The following XPR1 variants were observed in gnomAD, a reference collection of about 807,000 sequenced individuals.
XPR1 encodes the protein xenotropic and polytropic retrovirus receptor 1.
A neutral mutation model predicts 87.5 loss-of-function variants in XPR1; 28 were observed. The ratio of observed to expected loss-of-function variants is 0.32; its 90% confidence interval spans 0.24 to 0.44. The LOEUF is 0.44. XPR1 is among the 20% of genes least tolerant of loss of function. The probability of loss-of-function intolerance (pLI) is 1.00; values close to 1 mark genes in which losing one functional copy is unlikely to be tolerated. For missense variants in XPR1, 559 were observed against 862.3 expected (o/e 0.65, Z 4.41); for synonymous variants, 300 against 306.1 (o/e 0.98, Z 0.21).
intron 2 of XPR1, among the ~76,000 whole-genome samples, chr1:180,713,622 T>A (rs936569480): frequency 2.0e-5 from 3 of 152,224 alleles, no homozygotes; most frequent in African/African-American, 7.2e-5. Flanking sequence ...TTTTTTCATA[T>A]TTATTGAGAT....
intron 2 of XPR1, among the ~76,000 whole-genome samples, chr1:180,714,652 G>C (rs1395043935): frequency 6.6e-6 from 1 of 152,082 alleles, no homozygotes; most frequent in East Asian, 1.9e-4. Context: ...GGGTCCTCCT[G>C]CCTTGGCCGT....
At chr1:180,831,277 C>G (rs1362352699) in intron 9 of XPR1, among the ~76,000 whole-genome samples, 2 of 152,026 alleles carry the variant, frequency 1.3e-5, no homozygotes, top group East Asian at 3.8e-4. Context: ...AACTTTAGAG[C>G]CTCTCAGTGC....
At chr1:180,673,277 T>G (rs142864064) in intron 1 of XPR1, among the ~76,000 whole-genome samples, 1 of 152,266 alleles carries the variant, frequency 6.6e-6, no homozygotes, top group East Asian at 1.9e-4. Flanking sequence ...GTATACCCTA[T>G]TTTTACAAAA....
chr1:180,677,903 A>G (rs1409105380), intron 1 of XPR1, among the ~76,000 whole-genome samples: 1 of 152,176 alleles, frequency 6.6e-6, no homozygotes, highest in East Asian at 1.9e-4. Context: ...GATCTTTTGT[A>G]CTGTAATAAT....
chr1:180,834,816 G>A, intron 9 of XPR1, 58 bp from the exon 10 acceptor site: 4 of 1,527,932 alleles, frequency 2.6e-6, no homozygotes, highest in Non-Finnish European at 3.5e-6. Context: ...ACATGAAATG[G>A]AGACATTTAA....
At chr1:180,644,428 G>A (rs1403402227) in intron 1 of XPR1, among the ~76,000 whole-genome samples, 4 of 143,944 alleles carry the variant, frequency 2.8e-5, no homozygotes, top group African/African-American at 1.0e-4. Context: ...TTAAGATAAC[G>A]TTAATACTAC....
intron 12 of XPR1, among the ~76,000 whole-genome samples, chr1:180,866,077 T>G (rs2102211020): frequency 6.6e-6 from 1 of 152,232 alleles, no homozygotes; most frequent in Middle Eastern, 3.4e-3. Flanking sequence ...CTGGATATGG[T>G]GGCACACGCC....
intron 6 of XPR1, 69 bp downstream of exon 6, chr1:180,806,626 C>A (rs1650002425): frequency 1.4e-6 from 2 of 1,386,636 alleles, no homozygotes; most frequent in Non-Finnish European, 9.8e-7. Flanking sequence ...TTTAGCTGGC[C>A]CCATTATCTT....
chr1:180,749,327 A>G (rs932783819), intron 2 of XPR1, among the ~76,000 whole-genome samples: 4 of 152,222 alleles, frequency 2.6e-5, no homozygotes, highest in East Asian at 1.9e-4. Flanking sequence ...GTTCTAAACT[A>G]TTGTCTAATT....
chr1:180,887,867 A>G lies in XPR1; in HGVS notation c.*3801A>G, dbSNP rs1020527959. 4 of 152,274 alleles carry G rather than the reference A, an allele frequency of 2.6e-5. No individual in the cohort carries two copies. The highest frequency in any genetic ancestry group is 2.9e-5 in the Non-Finnish European group (2 of 68,056). 9.4% of individuals were successfully genotyped at this position (152,274 alleles called of 1,614,324 possible). ...TGACCAAAGTACATTCACAGTAACT[A>G]GAGAAAGCAGATCATCCATTTCTGG... On this transcript the variant is annotated 3_prime_UTR_variant, in exon 15 of 15. Transcript: ENST00000367590.
At chr1:180,816,588 C>T (rs1402191578) in intron 7 of XPR1, among the ~76,000 whole-genome samples, 1 of 152,164 alleles carries the variant, frequency 6.6e-6, no homozygotes, top group East Asian at 1.9e-4. Flanking sequence ...ATGTCTTGGT[C>T]AGCAGCAGAC....
At chr1:180,809,383 T>A (rs533573976) in intron 6 of XPR1, among the ~76,000 whole-genome samples, 1 of 152,204 alleles carries the variant, frequency 6.6e-6, no homozygotes, top group African/African-American at 2.4e-5. Flanking sequence ...TCAAAACTTA[T>A]CAAATCGTAC....
rs1482701970 is a variant in XPR1 at position 180,863,798 on chromosome 1, A to G, written c.1592A>G (p.Lys531Arg). 8.7e-6 allele frequency: 14 copies of G among 1,612,284 alleles called. No homozygotes were observed. Among genetic ancestry groups the G allele is most frequent in the Non-Finnish European group, 1.1e-5 (13 of 1,179,264 alleles). ...TGCTATACCCTCATCTGGGATCTCA[A>G]GATGGACTGGGGTCTCTTCGATAAG... is the stretch of plus-strand genomic sequence containing the variant. ...SSCYTLIWDL[K>R]MDWGLFDKNA... The change falls in exon 12 of 15, where the codon AAG becomes AGG. Residue 531 changes from lysine to arginine, a missense_variant. Transcript: ENST00000367590.
At chr1:180,861,769 C>T (rs1652228375) in intron 11 of XPR1, among the ~76,000 whole-genome samples, 1 of 152,032 alleles carries the variant, frequency 6.6e-6, no homozygotes. Context: ...AAGAAACCAG[C>T]TCTTGGGTGG....
intron 1 of XPR1, among the ~76,000 whole-genome samples, chr1:180,659,455 C>T (rs1445565428): frequency 7.0e-5 from 7 of 100,718 alleles, no homozygotes; most frequent in Admixed American, 4.5e-4. Context: ...TCCTTCTTCC[C>T]TCCCTTCCTC....
intron 7 of XPR1, among the ~76,000 whole-genome samples, chr1:180,812,037 A>C (rs1426159054): frequency 6.6e-6 from 1 of 152,220 alleles, no homozygotes; most frequent in Non-Finnish European, 1.5e-5. Context: ...TATAACAGCA[A>C]AGGAAGCATA....
At chr1:180,682,497 T>C (rs980990669) in intron 2 of XPR1, 86 bp downstream of exon 2, 3 of 943,240 alleles carry the variant, frequency 3.2e-6, no homozygotes, top group East Asian at 2.9e-5. Context: ...AAAACTAATA[T>C]GATAACCTGT....
At chr1:180,826,512 C>T (rs1037513266) in intron 9 of XPR1, among the ~76,000 whole-genome samples, 1 of 151,838 alleles carries the variant, frequency 6.6e-6, no homozygotes, top group East Asian at 1.9e-4. Flanking sequence ...AGTGCCGCTA[C>T]ACTCCCAGCC....
Position 180,834,978 on chromosome 1 carries a change from G to A in XPR1, c.1239G>A (p.Met413Ile). The change falls in exon 10 of 15, where the codon ATG (methionine) becomes ATA (isoleucine). Residue 413 changes from methionine (M) to isoleucine (I), a missense_variant. This residue lies in a region of XPR1 where 264 missense variants were observed against 377.2 expected (regional missense o/e 0.70). Coordinates refer to ENST00000367590, the MANE Select transcript of XPR1 (RefSeq NM_004736.4). ...TGATACTGATGGACCTGGAATATAT[G>A]ATCTGCTTCTACAGTTTGGAGCTCA... Reference protein sequence around the residue: ...LSVILMDLEYMICFYSLELKW... With the variant: ...LSVILMDLEYIICFYSLELKW... 6.2e-7 allele frequency: 1 copy of A among 1,614,070 alleles called. No homozygotes were observed.
Sources: gnomAD v4.1 joint callset for allele counts (sites outside exome capture counted in the v4.1 genomes callset) on GRCh38, gnomAD v4.1.1 for gene constraint, gnomAD v4.1.1 regional missense constraint, MANE v1.5 for transcripts, NCBI Gene and HGNC (gene_info 2026-07-23, HGNC 2026-07-21) for gene names.